Variants in PROKR2 observed in about 807,000 individuals in gnomAD.
PROKR2 encodes the protein prokineticin receptor 2, also known as G protein-coupled receptor 73-like 1.
A neutral mutation model predicts 23.4 loss-of-function variants in PROKR2; 26 were observed. That is an observed-to-expected ratio of 1.11 (90% CI 0.81 to 1.54). PROKR2 has a LOEUF of 1.54. Ranked by LOEUF, PROKR2 falls within the 40% of genes most tolerant of loss-of-function variation. The probability of loss-of-function intolerance (pLI) is 0.00; values close to 1 mark genes in which losing one functional copy is unlikely to be tolerated. For synonymous variants in PROKR2, 212 were observed against 201.2 expected, an observed-to-expected ratio of 1.05 and a Z score of -0.45; for missense variants, 453 against 511.5, an observed-to-expected ratio of 0.89 and a Z score of 1.10.
intron 2 of PROKR2, among the ~76,000 whole-genome samples, chr20:5,308,720 A>G (rs7272222): frequency 0.51 from 77,610 of 152,018 alleles, 20,127 homozygotes; most frequent in African/African-American, 0.61. Flanking sequence ...GCAGCTGCCT[A>G]TAGAAAATTC....
In PROKR2 at chr20:5,302,233, A is replaced by G; in HGVS notation, c.962T>C (p.Ile321Thr). 6.2e-7 allele frequency: 1 copy of G among 1,614,150 alleles called. No individual in the cohort carries two copies. The highest frequency in any genetic ancestry group is 8.5e-7 in the Non-Finnish European group (1 of 1,180,030). Residue 321 changes from isoleucine (I) to threonine (T), a missense_variant, in exon 3 of 3, where the codon ATC becomes ACC. Ile to Thr is a moderately conservative substitution (Grantham distance 89, BLOSUM62 -1). Transcript: ENST00000678254. The stretch of plus-strand genomic sequence containing the variant: ...GTTGATCATGCTGTTGCTCATGGCG[A>G]TGCACTCGACCACGTAGAAGGCAGT... The part of the protein sequence containing the change: ...YLTAFYVVEC[I>T]AMSNSMINTV...
rs962224657 is a variant in PROKR2 at position 5,301,924 on chromosome 20, G to A, written c.*116C>T. ...ACTTTGCAGCATTCAGCTTCTTGAG[G>A]GCACGGGGGAGGCATGAACACAGAT... is the stretch of plus-strand genomic sequence containing the variant. On this transcript the variant is annotated 3_prime_UTR_variant, in exon 3 of 3. Coordinates refer to ENST00000678254, the MANE Select transcript of PROKR2 (RefSeq NM_144773.4). The A allele has an allele frequency of 2.7e-5, 25 of 924,336 alleles. No individual in the cohort carries two copies. In the Admixed American group the frequency reaches 3.6e-4, roughly 13 times the overall value. The allele number at this position is 924,336 out of a possible 1,614,324, so 57.3% of individuals were successfully genotyped here. A position where few individuals can be genotyped will look rare whatever the true frequency, so the allele number is the denominator to read the frequency against.
At chr20:5,308,867 C>T (rs559194531) in intron 2 of PROKR2, among the ~76,000 whole-genome samples, 1 of 152,304 alleles carries the variant, frequency 6.6e-6, no homozygotes, top group East Asian at 1.9e-4. Flanking sequence ...GTTTTATCTT[C>T]TCTTGCCTGC....
intron 2 of PROKR2, among the ~76,000 whole-genome samples, chr20:5,312,263 C>T (rs576804285): frequency 9.8e-5 from 15 of 152,318 alleles, no homozygotes; most frequent in South Asian, 8.3e-4. Flanking sequence ...CCCGCCACCA[C>T]GCCCAACTAA....
chr20:5,301,956 T>A lies in PROKR2; in HGVS notation c.*84A>T. On this transcript the variant is annotated 3_prime_UTR_variant, in exon 3 of 3. Transcript: ENST00000678254. ...GGGAGGCATGAACACAGATGTCATTTCCCATGCAGCCTATGAACTTGGTTG... is the reference window on the plus strand; with the variant it reads ...GGGAGGCATGAACACAGATGTCATTACCCATGCAGCCTATGAACTTGGTTG... The A allele has an allele frequency of 7.8e-7, 1 of 1,278,156 alleles. No individual in the cohort carries two copies. Among genetic ancestry groups the A allele is most frequent in the Non-Finnish European group, 1.1e-6 (1 of 903,898 alleles). 79.2% of individuals were successfully genotyped at this position (1,278,156 alleles called of 1,614,324 possible). A position where few individuals can be genotyped will look rare whatever the true frequency, so the allele number is the denominator to read the frequency against.
At chr20:5,313,297 G>A (rs547767253) in intron 2 of PROKR2, among the ~76,000 whole-genome samples, 3 of 152,320 alleles carry the variant, frequency 2.0e-5, no homozygotes, top group South Asian at 2.1e-4. Context: ...AAAAGCAAGC[G>A]TGTCCTTTCC....
intron 2 of PROKR2, among the ~76,000 whole-genome samples, chr20:5,309,811 T>A (rs1292700030): frequency 1.3e-5 from 2 of 152,186 alleles, no homozygotes; most frequent in Non-Finnish European, 2.9e-5. Context: ...CAATAACCCA[T>A]GCCAAAGGGA....
At chr20:5,309,052 T>G (rs1478490723) in intron 2 of PROKR2, among the ~76,000 whole-genome samples, 1 of 152,170 alleles carries the variant, frequency 6.6e-6, no homozygotes, top group Non-Finnish European at 1.5e-5. Flanking sequence ...CTGGGGTTCT[T>G]CAGCCATGCA....
At chr20:5,309,705 T>A (rs866452417) in intron 2 of PROKR2, among the ~76,000 whole-genome samples, 1 of 152,244 alleles carries the variant, frequency 6.6e-6, no homozygotes. Flanking sequence ...GACATTATTC[T>A]GCCTCCCATA....
Position 5,314,181 on chromosome 20 carries a change from G to T in PROKR2, c.189C>A (p.Ile63=). ...KIVIGIALAG[I]MLVCGIGNFV... Reference sequence around the variant, plus strand: ...AGTTACCGATGCCGCAGACCAGCATGATGCCTGCCAGTGCAATGCCAATGA... The same window carrying T: ...AGTTACCGATGCCGCAGACCAGCATTATGCCTGCCAGTGCAATGCCAATGA... The change falls in exon 2 of 3, where the codon ATC becomes ATA. Residue 63 remains isoleucine, a synonymous_variant. Coordinates refer to ENST00000678254, the MANE Select transcript of PROKR2 (RefSeq NM_144773.4). The T allele has an allele frequency of 1.2e-6, 2 of 1,614,230 alleles. No homozygotes were observed. The highest frequency in any genetic ancestry group is 1.7e-6 in the Non-Finnish European group (2 of 1,180,036).
rs774879752 is a variant in PROKR2, at chr20:5,314,300, G to T, written c.70C>A (p.Leu24Ile). 20 of 1,614,100 alleles carry T rather than the reference G, an allele frequency of 1.2e-5. No individual in the cohort carries two copies. Among genetic ancestry groups the T allele is most frequent in the Non-Finnish European group, 1.6e-5 (19 of 1,180,056 alleles). ...TCACCATAACTGAAGTTAAAGGAGA[G>T]GGAGGAGGCATGGTCTTGGGGTGGA... ...FNPPQDHASS[L>I]SFNFSYGDYD... Residue 24 changes from leucine to isoleucine, a missense_variant, in exon 2 of 3, where the codon CTC becomes ATC. Transcript: ENST00000678254.
In PROKR2 at chr20:5,314,162, C is replaced by A. The variant is rs764674615; in HGVS notation, c.208G>T (p.Gly70Cys). Reference protein sequence around the residue: ...LAGIMLVCGIGNFVFIAALTR... With the variant: ...LAGIMLVCGICNFVFIAALTR... ...AGGGCAGCGATAAAGACAAAGTTAC[C>A]GATGCCGCAGACCAGCATGATGCCT... The change falls in exon 2 of 3, where the codon GGT (glycine) becomes TGT (cysteine). Residue 70 changes from glycine (G) to cysteine (C), a missense_variant. Transcript: ENST00000678254. The A allele has an allele frequency of 1.2e-6, 2 of 1,614,180 alleles. No homozygotes were observed. Among genetic ancestry groups the A allele is most frequent in the Non-Finnish European group, 1.7e-6 (2 of 1,180,022 alleles).
In PROKR2 at chr20:5,314,208, G is replaced by A. The variant is rs770056339; in HGVS notation, c.162C>T (p.Ile54=). The A allele has an allele frequency of 1.5e-5, 25 of 1,614,080 alleles. No individual in the cohort carries two copies. In the South Asian group the frequency reaches 1.6e-4, roughly 11 times the overall value. ...TKTRTFFAAK[I]VIGIALAGIM... is the part of the protein sequence containing the mutation. ...TGCCTGCCAGTGCAATGCCAATGAC[G>A]ATCTTGGCTGCGAAGAAGGTCCGGG... is the stretch of plus-strand genomic sequence containing the variant. Residue 54 remains isoleucine (I), a synonymous_variant, in exon 2 of 3, where the codon ATC becomes ATT. Transcript: ENST00000678254.
chr20:5,312,396 C>T (rs964379976), intron 2 of PROKR2, among the ~76,000 whole-genome samples: 6 of 152,196 alleles, frequency 3.9e-5, no homozygotes, highest in Non-Finnish European at 7.3e-5. Flanking sequence ...CGTGAGCCAC[C>T]GCACCCGGGC....
Position 5,314,345 on chromosome 20 carries a change from T to A in PROKR2, c.25A>T (p.Ser9Cys), listed in dbSNP as rs1685002599. 6.2e-7 allele frequency: 1 copy of A among 1,614,076 alleles called. No homozygotes were observed. The highest frequency in any genetic ancestry group is 1.3e-5 in the African/African-American group (1 of 75,006). The change falls in exon 2 of 3, where the codon AGT (serine) becomes TGT (cysteine). Residue 9 changes from serine to cysteine, a missense_variant. By Grantham distance (112) the Ser-to-Cys change is moderately radical (BLOSUM62 -1). Transcript: ENST00000678254. MAAQNGNT[S>C]FTPNFNPPQD... Reference sequence around the variant, plus strand: ...GGTGGATTAAAGTTGGGTGTGAAACTGGTGTTTCCATTCTGGGCTGCCATG... The same window carrying A: ...GGTGGATTAAAGTTGGGTGTGAAACAGGTGTTTCCATTCTGGGCTGCCATG...
At chr20:5,314,849 G>C (rs973840541) in intron 1 of PROKR2, among the ~76,000 whole-genome samples, 1 of 152,220 alleles carries the variant, frequency 6.6e-6, no homozygotes. Flanking sequence ...ATGCTCCCAT[G>C]AGCTGGCCAG....
At chr20:5,308,304 G>C (rs940177326) in intron 2 of PROKR2, among the ~76,000 whole-genome samples, 1 of 151,984 alleles carries the variant, frequency 6.6e-6, no homozygotes, top group African/African-American at 2.4e-5. Flanking sequence ...CTGGAAGGTT[G>C]TGGGTTTACC....
chr20:5,308,025 C>G (rs181735006), intron 2 of PROKR2, among the ~76,000 whole-genome samples: 1 of 145,320 alleles, frequency 6.9e-6, no homozygotes, highest in South Asian at 2.3e-4. Context: ...GATAAAAACA[C>G]TTGGAAGCTC....
rs138044292 is a variant in PROKR2 at position 5,312,166 on chromosome 20, G to A, written c.458+1746C>T. Among the ~76,000 whole-genome samples the A allele has an allele frequency of 6.4e-3, 975 of 152,248 alleles. 2 individuals carry two copies. The highest frequency in any genetic ancestry group is 1.0e-2 in the Non-Finnish European group (679 of 68,020). ...TTGTTACCCAGGCTGGAGTGCAATG[G>A]TGCAGTCTTGGCTCACGGCAACCTC... On this transcript the variant is annotated intron_variant, in intron 2 of 2. Transcript: ENST00000678254.
Sources: allele counts gnomAD v4.1 joint callset (sites outside exome capture counted in the v4.1 genomes callset), GRCh38; gene constraint gnomAD v4.1.1; transcripts MANE v1.5; gene names NCBI Gene and HGNC (gene_info 2026-07-23, HGNC 2026-07-21).